Variants in LDLRAD3 observed in about 807,000 individuals in gnomAD.
The protein encoded by LDLRAD3 is low density lipoprotein receptor class A domain containing 3, also known as low-density lipoprotein receptor class A domain-containing protein 3.
Under a neutral mutation model 29.4 loss-of-function variants are expected in LDLRAD3, and 20 were observed. The observed-to-expected ratio is 0.68, with a 90% CI of 0.48 to 0.99. The LOEUF is 0.99. Ranked by LOEUF, LDLRAD3 falls within the 50% of genes least tolerant of loss-of-function variation. The pLI is 0.00. For synonymous variants in LDLRAD3, 157 were observed against 192.7 expected, an observed-to-expected ratio of 0.81 and a Z score of 1.53; for missense variants, 420 against 454.3, an observed-to-expected ratio of 0.92 and a Z score of 0.69.
intron 1 of LDLRAD3, among the ~76,000 whole-genome samples, chr11:35,972,092 A>G (rs1851419898): frequency 6.6e-6 from 1 of 152,134 alleles, no homozygotes. Flanking sequence ...GGATTTGGAA[A>G]GTACTGGCAT....
At chr11:36,073,629 T>C (rs1363999532) in intron 2 of LDLRAD3, among the ~76,000 whole-genome samples, 2 of 152,246 alleles carry the variant, frequency 1.3e-5, no homozygotes, top group Non-Finnish European at 2.9e-5. Context: ...TTGCCTGTGA[T>C]CTGCTTTGCA....
intron 4 of LDLRAD3, among the ~76,000 whole-genome samples, chr11:36,181,746 A>C (rs1008507371): frequency 1.3e-5 from 2 of 152,200 alleles, no homozygotes; most frequent in African/African-American, 4.8e-5. Flanking sequence ...AGGCAGCCCA[A>C]CATTGTTTCT....
At chr11:36,103,097 A>C (rs894387940) in intron 4 of LDLRAD3, among the ~76,000 whole-genome samples, 2 of 152,040 alleles carry the variant, frequency 1.3e-5, no homozygotes, top group African/African-American at 4.8e-5. Context: ...CATTTTGCAA[A>C]TCTGAAACTC....
intron 4 of LDLRAD3, among the ~76,000 whole-genome samples, chr11:36,203,975 C>T (rs1855166271): frequency 6.6e-6 from 1 of 150,722 alleles, no homozygotes; most frequent in African/African-American, 2.5e-5. Context: ...GGTTCCACGG[C>T]ACTTTTCCAA....
intron 4 of LDLRAD3, among the ~76,000 whole-genome samples, chr11:36,164,579 G>A (rs1292236277): frequency 1.3e-5 from 2 of 152,268 alleles, no homozygotes; most frequent in African/African-American, 4.8e-5. Flanking sequence ...TATAATCCAT[G>A]TCTGTCCATC....
chr11:36,002,092 A>G (rs932093718), intron 1 of LDLRAD3, among the ~76,000 whole-genome samples: 8 of 152,262 alleles, frequency 5.3e-5, no homozygotes, highest in African/African-American at 1.9e-4. Context: ...ATTTCTTCTA[A>G]ACCAGTTTTA....
At chr11:36,123,925 CA>C (rs1323543007) in intron 4 of LDLRAD3, among the ~76,000 whole-genome samples, 3 of 152,150 alleles carry the variant, frequency 2.0e-5, no homozygotes, top group Non-Finnish European at 4.4e-5. Flanking sequence ...AAGCTTAACT[CA>C]AAATTACCGT....
In LDLRAD3 at chr11:36,229,541, C is replaced by T; in HGVS notation, c.*144C>T. ...GGATATTAACTATCTCTGCATTCCC[C>T]TCCTCCCCCAGACTTCAGAGATGTT... On this transcript the variant is annotated 3_prime_UTR_variant, in exon 6 of 6. Coordinates refer to ENST00000315571, the MANE Select transcript of LDLRAD3 (RefSeq NM_174902.4). 3.2e-6 allele frequency: 2 copies of T among 628,702 alleles called. No homozygotes were observed. Among genetic ancestry groups the T allele is most frequent in the Non-Finnish European group, 5.6e-6 (2 of 355,154 alleles). 38.9% of individuals were successfully genotyped at this position (628,702 alleles called of 1,614,324 possible).
chr11:36,024,578 TC>T (rs1453002124), intron 1 of LDLRAD3, among the ~76,000 whole-genome samples: 1 of 152,208 alleles, frequency 6.6e-6, no homozygotes, highest in African/African-American at 2.4e-5. Context: ...CAGACTGTCT[TC>T]CCAGAAGGGA....
At chr11:36,137,603 G>T (rs944864215) in intron 4 of LDLRAD3, among the ~76,000 whole-genome samples, 1 of 152,210 alleles carries the variant, frequency 6.6e-6, no homozygotes, top group Non-Finnish European at 1.5e-5. Flanking sequence ...CATGAGAACA[G>T]CTCGGCACAG....
intron 1 of LDLRAD3, among the ~76,000 whole-genome samples, chr11:36,009,312 A>G (rs553911210): frequency 1.3e-5 from 2 of 152,178 alleles, no homozygotes; most frequent in East Asian, 3.9e-4. Flanking sequence ...ATGCTTCCAA[A>G]CCATAGTTTA....
chr11:36,041,302 C>T (rs569335820), intron 2 of LDLRAD3, among the ~76,000 whole-genome samples: 1 of 152,304 alleles, frequency 6.6e-6, no homozygotes, highest in East Asian at 1.9e-4. Flanking sequence ...CGGCTGGTGT[C>T]ATCTCCAGAT....
chr11:36,099,138 C>T (rs1853408918), intron 4 of LDLRAD3, among the ~76,000 whole-genome samples: 1 of 152,066 alleles, frequency 6.6e-6, no homozygotes, highest in African/African-American at 2.4e-5. Flanking sequence ...TGTGAATTGC[C>T]TCCTTGTGTC....
chr11:35,965,984 A>C (rs956246174), intron 1 of LDLRAD3, among the ~76,000 whole-genome samples: 8 of 152,238 alleles, frequency 5.3e-5, no homozygotes, highest in African/African-American at 1.9e-4. Flanking sequence ...CCTACTGCCA[A>C]GGCATGTTAC....
rs1346423192 is a variant in LDLRAD3 at position 36,125,862 on chromosome 11, A to G, written c.454+27401A>G. ...ATGGAGGGTGTGGCTGGTAGGCTCT[A>G]TGGTCCTGTTCCGTCCCCTCCCATA... On this transcript the variant is annotated intron_variant, in intron 4 of 5. Coordinates refer to ENST00000315571, the MANE Select transcript of LDLRAD3 (RefSeq NM_174902.4). 3.3e-5 allele frequency among the ~76,000 whole-genome samples: 5 copies of G among 152,156 alleles called. No individual in the cohort carries two copies. In the East Asian group the frequency reaches 9.6e-4, roughly 29 times the overall value.
intron 4 of LDLRAD3, among the ~76,000 whole-genome samples, chr11:36,141,035 T>TCTCTCTCC (rs71044551): frequency 2.7e-5 from 4 of 145,884 alleles, no homozygotes; most frequent in African/African-American, 5.2e-5. Flanking sequence ...TCTCTCTCTC[T>TCTCTCTCC]CCGTGTGGGG....
intron 4 of LDLRAD3, among the ~76,000 whole-genome samples, chr11:36,115,431 A>G (rs558171013): frequency 1.3e-5 from 2 of 152,134 alleles, no homozygotes; most frequent in East Asian, 3.9e-4. Flanking sequence ...GTAGGTACCC[A>G]TTTTCAGAGT....
intron 1 of LDLRAD3, among the ~76,000 whole-genome samples, chr11:35,981,668 C>T (rs1189381038): frequency 1.3e-5 from 2 of 152,122 alleles, no homozygotes; most frequent in Non-Finnish European, 2.9e-5. Context: ...AGGGCCTTCT[C>T]CTTGCCTGCA....
intron 1 of LDLRAD3, among the ~76,000 whole-genome samples, chr11:35,962,925 TGTG>T (rs897108870): frequency 6.6e-6 from 1 of 152,120 alleles, no homozygotes; most frequent in Non-Finnish European, 1.5e-5. Flanking sequence ...ATGGAAATAA[TGTG>T]GTAAAGACTA....
Sources: allele counts gnomAD v4.1 joint callset (sites outside exome capture counted in the v4.1 genomes callset), GRCh38; gene constraint gnomAD v4.1.1; transcripts MANE v1.5; gene names NCBI Gene and HGNC (gene_info 2026-07-23, HGNC 2026-07-21).